The following PFKFB3 variants were observed in gnomAD, a reference collection of about 807,000 sequenced individuals.
The protein encoded by PFKFB3 is 6-phosphofructo-2-kinase/fructose-2,6-biphosphatase 3.
A neutral mutation model predicts 68.0 loss-of-function variants in PFKFB3; 33 were observed. That is an observed-to-expected ratio of 0.49 (90% CI 0.37 to 0.65). The LOEUF (loss-of-function observed/expected upper bound fraction) is 0.65. PFKFB3 is among the 30% of genes least tolerant of loss of function. The pLI, the probability that PFKFB3 is intolerant of heterozygous loss-of-function variation, is 0.00. For synonymous variants in PFKFB3, 315 were observed against 288.2 expected, an observed-to-expected ratio of 1.09 and a Z score of -0.94; for missense variants, 586 against 712.2, an observed-to-expected ratio of 0.82 and a Z score of 2.02.
At chr10:6,235,554 C>T (rs377150863), downstream of PFKFB3, 2 of 152,384 alleles carry the variant, frequency 1.3e-5, no homozygotes, top group East Asian at 1.9e-4. Context: ...AACCTCTGGT[C>T]TTTTCGTGGG....
chr10:6,254,578 G>C, exon 15 of PFKFB3: 1 of 381,682 alleles, frequency 2.6e-6, no homozygotes. Flanking sequence ...ATAGTGCTTC[G>C]AGTTCCCATA....
the PFKFB3 span, among the ~76,000 whole-genome samples, chr10:6,318,953 C>G: frequency 2.0e-5 from 3 of 152,122 alleles, no homozygotes; most frequent in African/African-American, 7.2e-5. Context: ...CTGGCTTTTT[C>G]CCATTTGAGA....
chr10:6,243,061 A>G (rs1846174847), intron 14 of PFKFB3, among the ~76,000 whole-genome samples: 1 of 152,292 alleles, frequency 6.6e-6, no homozygotes, highest in South Asian at 2.1e-4. Flanking sequence ...TCTAAGTATT[A>G]GGGATAAAAA....
At chr10:6,309,814 C>A in the PFKFB3 span, among the ~76,000 whole-genome samples, 4 of 151,966 alleles carry the variant, frequency 2.6e-5, no homozygotes, top group Non-Finnish European at 5.9e-5. Context: ...ATTGCAGAGA[C>A]CGGGTGATGG....
Position 6,220,615 on chromosome 10 carries a change from G to T in PFKFB3, c.624-43G>T. The T allele has an allele frequency of 6.4e-7, 1 of 1,570,556 alleles. No homozygotes were observed. On this transcript the variant is annotated intron_variant, in intron 7 of 14. Transcript: ENST00000379775. The surrounding 1 kb of genome is among the most constrained non-coding windows in gnomAD (Gnocchi z 4.1). ...GACGGGCCAGGTGCATCCTGCTGTGGGTGGTGGCCTGAGCTGTGGTTCTCG... is the reference window on the plus strand; with the variant it reads ...GACGGGCCAGGTGCATCCTGCTGTGTGTGGTGGCCTGAGCTGTGGTTCTCG...
intron 14 of PFKFB3, among the ~76,000 whole-genome samples, chr10:6,231,819 TGGTGGGCACTCATCACCTCCC>T (rs1317093928): frequency 6.7e-6 from 1 of 150,374 alleles, no homozygotes; most frequent in Non-Finnish European, 1.5e-5. Flanking sequence ...TATCACCTCC[TGGTGGGCACTCATCACCTCCC>T]GGTGGGCACC....
rs754656515 is a variant in PFKFB3, at chr10:6,232,931, A to G, written c.1552A>G (p.Arg518Gly). The G allele has an allele frequency of 2.5e-6, 4 of 1,612,624 alleles. No individual in the cohort carries two copies. The highest frequency in any genetic ancestry group is 3.4e-6 in the Non-Finnish European group (4 of 1,178,824). The change falls in exon 15 of 15, where the codon AGG (arginine) becomes GGG (glycine). Residue 518 changes from arginine to glycine, a missense_variant. Coordinates refer to ENST00000379775, the MANE Select transcript of PFKFB3 (RefSeq NM_004566.4). ...KGSRSSADSSRKH is the reference protein window; with the variant it reads ...KGSRSSADSSGKH ...CTCCCGGAGCAGCGCTGACTCCTCC[A>G]GGAAACACTGAGGCAGACGTGTCGG...
rs907217878 is a variant in PFKFB3, at chr10:6,203,193, G to A, written c.-68G>A. On this transcript the variant is annotated 5_prime_UTR_variant, in exon 1 of 15. Transcript: ENST00000379775. ...CTCTCCTCCTTTGTTCCGGGGGTCG[G>A]CGGCCGCTCTCCTGCCAGCGTCGGG... The A allele has an allele frequency of 1.9e-6, 3 of 1,570,164 alleles. No individual in the cohort carries two copies. The African/African-American group carries it at 4.1e-5, about 21-fold the overall frequency.
chr10:6,316,173 C>A, the PFKFB3 span, among the ~76,000 whole-genome samples: 1 of 152,178 alleles, frequency 6.6e-6, no homozygotes, highest in Admixed American at 6.5e-5. Context: ...TAGACACCCA[C>A]CTTGGATCCT....
At chr10:6,184,626 G>A (rs903151447) in intron 1 of PFKFB3, among the ~76,000 whole-genome samples, 44 of 151,698 alleles carry the variant, frequency 2.9e-4, no homozygotes, top group Non-Finnish European at 5.9e-4. Context: ...TCCCACCACT[G>A]TGCCTGGCTA....
intron 14 of PFKFB3, among the ~76,000 whole-genome samples, chr10:6,249,736 G>T (rs1230999621): frequency 1.4e-5 from 2 of 139,274 alleles, no homozygotes; most frequent in African/African-American, 4.9e-5. Context: ...TCTCAGGCAG[G>T]TGGAATATTT....
intron 1 of PFKFB3, among the ~76,000 whole-genome samples, chr10:6,156,129 ATGTGTGTGTGTGTGTG>A (rs112267780): frequency 1.0e-5 from 1 of 96,860 alleles, no homozygotes; most frequent in Admixed American, 9.8e-5. Flanking sequence ...GTACATATAT[ATGTGTGTGTGTGTGTG>A]TGTGTGTGTG....
intron 14 of PFKFB3, among the ~76,000 whole-genome samples, chr10:6,226,708 G>A (rs369155109): frequency 2.6e-5 from 4 of 152,284 alleles, no homozygotes; most frequent in Middle Eastern, 3.4e-3. Flanking sequence ...ACCCGTTCAC[G>A]TTCGTGAATG....
At chr10:6,310,440 C>T in the PFKFB3 span, among the ~76,000 whole-genome samples, 133 of 151,980 alleles carry the variant, frequency 8.8e-4, 2 homozygotes, top group East Asian at 0.022. Flanking sequence ...CGAGTCTCTG[C>T]GCTGGTGTTT....
Position 6,195,690 on chromosome 10 carries a change from G to A in PFKFB3, c.17-17933G>A, listed in dbSNP as rs547512389. ...ACTGCCAGCAGAGAGTATTCGGGGG[G>A]CTCCCCGCAGAATTCTCTTGGGGGA... On this transcript the variant is annotated intron_variant, in intron 1 of 14. Coordinates refer to the PFKFB3 transcript ENST00000379789. Among the ~76,000 whole-genome samples, 4 of 152,338 alleles carry A rather than the reference G, an allele frequency of 2.6e-5. No individual in the cohort carries two copies. In the East Asian group the frequency reaches 5.8e-4, roughly 22 times the overall value.
chr10:6,299,432 G>T, the PFKFB3 span, among the ~76,000 whole-genome samples: 1 of 152,282 alleles, frequency 6.6e-6, no homozygotes, highest in Middle Eastern at 3.4e-3. Context: ...CTGGGTCCCT[G>T]CGTTGTCCTA....
At chr10:6,264,952 G>A in the PFKFB3 span, among the ~76,000 whole-genome samples, 451 of 152,200 alleles carry the variant, frequency 3.0e-3, 2 homozygotes, top group African/African-American at 0.01. Flanking sequence ...CCAAGTCATC[G>A]ATCATCTTAA....
At chr10:6,172,204 G>A (rs970003920) in intron 1 of PFKFB3, among the ~76,000 whole-genome samples, 2 of 152,232 alleles carry the variant, frequency 1.3e-5, no homozygotes, top group Non-Finnish European at 2.9e-5. Flanking sequence ...TTGCTTCTTG[G>A]TCCCATGGCT....
At chr10:6,181,849 C>T (rs7091999) in intron 1 of PFKFB3, among the ~76,000 whole-genome samples, 4 of 148,886 alleles carry the variant, frequency 2.7e-5, no homozygotes, top group Admixed American at 6.7e-5. Context: ...CACTCATATG[C>T]GATCTCTAGA....
Sources: gnomAD v4.1 joint callset for allele counts (sites outside exome capture counted in the v4.1 genomes callset) on GRCh38, gnomAD v4.1.1 for gene constraint, Gnocchi (gnomAD v3.1) non-coding constraint, MANE v1.5 for transcripts, NCBI Gene and HGNC (gene_info 2026-07-23, HGNC 2026-07-21) for gene names.